Variants in DNAH14 observed in about 807,000 individuals in gnomAD.
DNAH14 encodes the protein axonemal beta dynein heavy chain 14.
In DNAH14, 478 loss-of-function variants were observed where a neutral mutation model predicts 520.9. The ratio of observed to expected loss-of-function variants is 0.92; its 90% CI spans 0.85 to 0.99. DNAH14 has a LOEUF of 0.99. Among genes scored for constraint, DNAH14 ranks in the 50% least tolerant of loss-of-function variants. The pLI is 0.00. For missense variants in DNAH14, 4,831 were observed against 5,234.5 expected (o/e 0.92, Z 2.38); for synonymous variants, 1,581 against 1,757.2 (o/e 0.90, Z 2.51).
intron 1 of DNAH14, among the ~76,000 whole-genome samples, chr1:224,949,969 C>T (rs181018373): frequency 5.9e-5 from 9 of 152,032 alleles, no homozygotes; most frequent in East Asian, 1.9e-4. Flanking sequence ...AATATATTTA[C>T]GCTTCTGTTA....
chr1:225,103,103 C>T (rs932173432), intron 23 of DNAH14, among the ~76,000 whole-genome samples: 1 of 152,228 alleles, frequency 6.6e-6, no homozygotes, highest in African/African-American at 2.4e-5. Context: ...CAGCTTTCTA[C>T]ATATGGCTAG....
chr1:224,979,649 C>T (rs1367318052), intron 8 of DNAH14, among the ~76,000 whole-genome samples: 1 of 152,200 alleles, frequency 6.6e-6, no homozygotes, highest in African/African-American at 2.4e-5. Flanking sequence ...AGTGAGACAT[C>T]AGCTGGAAAG....
chr1:225,244,549 A>G (rs1025440963), intron 43 of DNAH14, among the ~76,000 whole-genome samples: 1 of 152,122 alleles, frequency 6.6e-6, no homozygotes, highest in African/African-American at 2.4e-5. Flanking sequence ...TGGTCTATTC[A>G]GGGATTCATC....
At chr1:225,252,253 C>A in intron 43 of DNAH14, 48 bp from the exon 44 acceptor site, 1 of 1,003,878 alleles carries the variant, frequency 1.0e-6, no homozygotes, top group Non-Finnish European at 1.5e-6. Context: ...GTGAAACATT[C>A]CATAACTGAA....
intron 36 of DNAH14, among the ~76,000 whole-genome samples, chr1:225,175,407 A>G (rs143416469): frequency 6.6e-6 from 1 of 152,052 alleles, no homozygotes; most frequent in Non-Finnish European, 1.5e-5. Context: ...AGTTTCTTCT[A>G]GGTTTTCTAA....
chr1:224,941,172 C>T lies in DNAH14; in HGVS notation c.-34+11337C>T, dbSNP rs1330801924. ...TGTTTCTATTTCTCCACATCCTCTCCAGCACCTGTTGTTTCCTGACTTTTT... is the reference window on the plus strand; with the variant it reads ...TGTTTCTATTTCTCCACATCCTCTCTAGCACCTGTTGTTTCCTGACTTTTT... On this transcript the variant is annotated intron_variant, in intron 1 of 85. Coordinates refer to ENST00000682510, the MANE Select transcript of DNAH14 (RefSeq NM_001367479.1). Among the ~76,000 whole-genome samples the T allele has an allele frequency of 4.6e-5, 7 of 152,180 alleles. No homozygotes were observed. In the East Asian group the frequency reaches 1.3e-3, roughly 29 times the overall value.
At chr1:225,060,408 C>G (rs7546848) in intron 17 of DNAH14, among the ~76,000 whole-genome samples, 11,659 of 152,074 alleles carry the variant, frequency 0.077, 1,436 homozygotes, top group African/African-American at 0.26. Context: ...TCTAGTTAGC[C>G]ATTTGTCTAA....
At chr1:225,089,934 A>G (rs886191794) in intron 21 of DNAH14, among the ~76,000 whole-genome samples, 6 of 152,210 alleles carry the variant, frequency 3.9e-5, no homozygotes, top group African/African-American at 1.4e-4. Context: ...ATTCTATTCT[A>G]CATTTTACTG....
chr1:225,036,543 C>T (rs2066983493), intron 11 of DNAH14, among the ~76,000 whole-genome samples: 1 of 152,100 alleles, frequency 6.6e-6, no homozygotes, highest in African/African-American at 2.4e-5. Context: ...CGTGTCTGTT[C>T]CCATACATCT....
At chr1:225,353,980 A>G in intron 73 of DNAH14, 92 bp downstream of exon 73, 5 of 772,844 alleles carry the variant, frequency 6.5e-6, no homozygotes, top group Admixed American at 2.7e-5. Context: ...TTTTACAAGC[A>G]AAGTGTATTT....
chr1:224,989,771 G>A (rs1474373374), intron 8 of DNAH14, among the ~76,000 whole-genome samples: 1 of 152,082 alleles, frequency 6.6e-6, no homozygotes. Context: ...TCCTAAAAGT[G>A]TGCTGAATTT....
At chr1:225,197,419 T>G (rs1030204239) in intron 38 of DNAH14, among the ~76,000 whole-genome samples, 1 of 152,204 alleles carries the variant, frequency 6.6e-6, no homozygotes, top group African/African-American at 2.4e-5. Context: ...TTTATACCAG[T>G]ACCATGCTGT....
At chr1:225,042,313 A>G (rs2067551071) in intron 12 of DNAH14, among the ~76,000 whole-genome samples, 1 of 152,194 alleles carries the variant, frequency 6.6e-6, no homozygotes, top group African/African-American at 2.4e-5. Context: ...CCTAAGAACA[A>G]TTATTTACAT....
chr1:225,366,502 C>A (rs1375564411), intron 76 of DNAH14, among the ~76,000 whole-genome samples: 6 of 152,120 alleles, frequency 3.9e-5, no homozygotes, highest in African/African-American at 7.2e-5. Context: ...AGAATGAGTT[C>A]TTTAAAGAAT....
intron 64 of DNAH14, among the ~76,000 whole-genome samples, chr1:225,326,291 G>T (rs529752012): frequency 6.6e-6 from 1 of 152,148 alleles, no homozygotes; most frequent in Non-Finnish European, 1.5e-5. Context: ...TAAAGCCCAC[G>T]CACTTAACAG....
chr1:225,172,296 T>G (rs1397760639), intron 36 of DNAH14, among the ~76,000 whole-genome samples: 3 of 152,172 alleles, frequency 2.0e-5, no homozygotes, highest in Non-Finnish European at 1.5e-5. Context: ...TAAAGGGCAT[T>G]CAATTAGGAA....
rs755167839 is a variant in DNAH14, at chr1:225,346,046, CA to C, written c.10765del (p.Thr3589GlnfsTer28). The C allele has an allele frequency of 4.2e-4, 655 of 1,551,466 alleles. 1 individual carries two copies. Among genetic ancestry groups the C allele is most frequent in the Admixed American group, 2.1e-3 (109 of 50,964 alleles). ...TSNEISKRIE[A>X]TKKAESEIQA... is the part of the protein sequence containing the mutation. ...AACGAAATTTCAAAGCGCATCGAAG[CA>C]ACAAAAAAAGCTGAAAGTGAAATCC... On this transcript the variant is annotated frameshift_variant, in exon 70 of 86. Coordinates refer to ENST00000682510, the MANE Select transcript of DNAH14 (RefSeq NM_001367479.1). LOFTEE classifies it high-confidence loss of function.
intron 41 of DNAH14, among the ~76,000 whole-genome samples, chr1:225,226,233 A>G (rs552255283): frequency 3.3e-5 from 5 of 152,112 alleles, no homozygotes; most frequent in African/African-American, 1.2e-4. Flanking sequence ...GGAGGGATTG[A>G]CTTACCCCCA....
At chr1:225,336,047 A>ATATATATGTG (rs1553337815) in intron 66 of DNAH14, among the ~76,000 whole-genome samples, 1 of 27,064 alleles carries the variant, frequency 3.7e-5, no homozygotes, top group Non-Finnish European at 6.0e-5. Flanking sequence ...ACATATATGC[A>ATATATATGTG]TATATACATA....
Sources: gnomAD v4.1 joint callset for allele counts (sites outside exome capture counted in the v4.1 genomes callset) on GRCh38, gnomAD v4.1.1 for gene constraint, MANE v1.5 for transcripts, NCBI Gene and HGNC (gene_info 2026-07-23, HGNC 2026-07-21) for gene names.